ASAP2: variants seen among roughly 807,000 people sequenced by gnomAD.
ASAP2 encodes arf-GAP with SH3 domain, ANK repeat and PH domain-containing protein 2.
In ASAP2, 45 loss-of-function variants were observed where a neutral mutation model predicts 131.4. The observed-to-expected ratio is 0.34, with a 90% CI of 0.27 to 0.44. The LOEUF (loss-of-function observed/expected upper bound fraction) is 0.44. Ranked by LOEUF, ASAP2 falls within the 20% of genes least tolerant of loss-of-function variation. The pLI is 1.00. For missense variants in ASAP2, 1,011 were observed against 1,297.0 expected, an observed-to-expected ratio of 0.78 and a Z score of 3.39; for synonymous variants, 510 against 503.0, an observed-to-expected ratio of 1.01 and a Z score of -0.19.
chr2:9,266,568 C>G (rs1416492277), intron 1 of ASAP2, among the ~76,000 whole-genome samples: 1 of 152,080 alleles, frequency 6.6e-6, no homozygotes, highest in African/African-American at 2.4e-5. Context: ...GCCTGCAGGT[C>G]TGGGTGCACC....
intron 1 of ASAP2, among the ~76,000 whole-genome samples, chr2:9,264,957 A>G (rs1254793183): frequency 6.6e-6 from 1 of 152,052 alleles, no homozygotes; most frequent in African/African-American, 2.4e-5. Context: ...TGGGCAACAT[A>G]GGGAGACGTC....
intron 9 of ASAP2, among the ~76,000 whole-genome samples, chr2:9,341,634 T>G (rs957016246): frequency 6.6e-6 from 1 of 152,210 alleles, no homozygotes; most frequent in Admixed American, 6.5e-5. Context: ...GACGTATTTC[T>G]TGGTTGTGCA....
intron 9 of ASAP2, among the ~76,000 whole-genome samples, chr2:9,336,895 C>T (rs769628628): frequency 1.3e-5 from 2 of 152,202 alleles, no homozygotes; most frequent in Non-Finnish European, 2.9e-5. Context: ...AGATCCAACC[C>T]ATGAAGCAAA....
At position 9,368,519 on chromosome 2, in the gene ASAP2, T is replaced by C; in HGVS notation, c.1556T>C (p.Met519Thr). The C allele has an allele frequency of 6.2e-7, 1 of 1,613,338 alleles. No homozygotes were observed. Among genetic ancestry groups the C allele is most frequent in the East Asian group, 2.2e-5 (1 of 44,868 alleles). Residue 519 changes from methionine (M) to threonine (T), a missense_variant and splice_region_variant, in exon 16 of 28, where the codon ATG (methionine) becomes ACG (threonine). Transcript: ENST00000281419. ...GTCAAACCCAACCCAGGCAGCGACA[T>C]GTAAGTATGGGACTGGCTATTCTCA... ...DSVKPNPGSD[M>T]NARKDYITAK...
chr2:9,319,011 A>G (rs1345099558), intron 4 of ASAP2, among the ~76,000 whole-genome samples: 1 of 152,252 alleles, frequency 6.6e-6, no homozygotes, highest in Non-Finnish European at 1.5e-5. Context: ...GTCGTCAGGC[A>G]TGAGCCAACT....
intron 15 of ASAP2, among the ~76,000 whole-genome samples, chr2:9,364,144 T>G (rs1673281082): frequency 6.6e-6 from 1 of 152,206 alleles, no homozygotes. Context: ...CATGATCAAT[T>G]TCACTATCAT....
chr2:9,385,624 C>CG (rs920008012), intron 21 of ASAP2, among the ~76,000 whole-genome samples: 10 of 152,098 alleles, frequency 6.6e-5, no homozygotes, highest in African/African-American at 1.2e-4. Flanking sequence ...GTGTGTGTGG[C>CG]GGGGGGGTTG....
chr2:9,343,947 AC>A (rs534314001), intron 9 of ASAP2, among the ~76,000 whole-genome samples: 1 of 152,144 alleles, frequency 6.6e-6, no homozygotes, highest in Admixed American at 6.5e-5. Context: ...TCAGGGTCAG[AC>A]CCCCCTTACT....
chr2:9,336,744 A>G (rs1422079644), intron 9 of ASAP2, among the ~76,000 whole-genome samples: 1 of 152,206 alleles, frequency 6.6e-6, no homozygotes, highest in Non-Finnish European at 1.5e-5. Context: ...AAGGAAAAAA[A>G]ACTTGGCGTA....
intron 2 of ASAP2, among the ~76,000 whole-genome samples, chr2:9,288,507 G>T (rs1272014655): frequency 6.6e-6 from 1 of 152,120 alleles, no homozygotes; most frequent in Non-Finnish European, 1.5e-5. Context: ...AGTCATCACT[G>T]TGGTGAGCGT....
intron 11 of ASAP2, among the ~76,000 whole-genome samples, chr2:9,347,669 CCTT>C (rs967114566): frequency 6.6e-6 from 1 of 152,174 alleles, no homozygotes; most frequent in Non-Finnish European, 1.5e-5. Context: ...AGTTGAATTT[CCTT>C]CTTAGCCAAG....
intron 3 of ASAP2, among the ~76,000 whole-genome samples, chr2:9,317,063 A>G (rs1426048915): frequency 6.7e-6 from 1 of 149,282 alleles, no homozygotes; most frequent in Non-Finnish European, 1.5e-5. Context: ...CACTCCACAC[A>G]ACCACACAAA....
chr2:9,212,717 G>A (rs984746817), intron 1 of ASAP2, among the ~76,000 whole-genome samples: 9 of 152,062 alleles, frequency 5.9e-5, no homozygotes, highest in Non-Finnish European at 5.9e-5. Context: ...GCTCTCAGCC[G>A]CCACATTGCA....
At position 9,401,227 on chromosome 2, in the gene ASAP2, G is replaced by A. The variant is rs775400024; in HGVS notation, c.2824-47G>A. 4.1e-5 allele frequency: 66 copies of A among 1,608,386 alleles called. 2 individuals are homozygous for A. Among genetic ancestry groups the A allele is most frequent in the South Asian group, 1.4e-4 (13 of 90,368 alleles). On this transcript the variant is annotated intron_variant, in intron 26 of 27. Transcript: ENST00000281419. ...GGTGCTTGAGCTCTCTGCCCTGAGA[G>A]CTGAGGCCTGCAGCCACACTAACCG... is the stretch of plus-strand genomic sequence containing the variant.
intron 3 of ASAP2, among the ~76,000 whole-genome samples, chr2:9,306,064 G>C (rs956542148): frequency 2.8e-5 from 4 of 144,890 alleles, no homozygotes; most frequent in African/African-American, 1.0e-4. Context: ...ATATGAGGTA[G>C]AGAGGCTGTA....
At position 9,372,196 on chromosome 2, in the gene ASAP2, C is replaced by CT. The variant is rs1382570973; in HGVS notation, c.1557-2558dup. 2.6e-5 allele frequency among the ~76,000 whole-genome samples: 4 copies of CT among 152,296 alleles called. No homozygotes were observed. In the East Asian group the frequency reaches 5.8e-4, roughly 22 times the overall value. ...GCATGAAACTGGACAACTGTCCAGTCTAACTGCCTGTCAGAAGAGGCATTT... is the reference window on the plus strand; with the variant it reads ...GCATGAAACTGGACAACTGTCCAGTCTTAACTGCCTGTCAGAAGAGGCATTT... On this transcript the variant is annotated intron_variant, in intron 16 of 27. Transcript: ENST00000281419.
At chr2:9,340,310 C>T (rs550491091) in intron 9 of ASAP2, among the ~76,000 whole-genome samples, 2 of 152,260 alleles carry the variant, frequency 1.3e-5, no homozygotes, top group East Asian at 1.9e-4. Context: ...CATGAGCCAC[C>T]GCGCCCGGCC....
intron 3 of ASAP2, among the ~76,000 whole-genome samples, chr2:9,316,947 TCA>T (rs1447197260): frequency 1.7e-5 from 1 of 58,894 alleles, no homozygotes; most frequent in African/African-American, 7.2e-5. Context: ...ACCCTCACTC[TCA>T]CACCCTCCCA....
chr2:9,210,327 G>A (rs188281188), intron 1 of ASAP2, among the ~76,000 whole-genome samples: 1 of 152,204 alleles, frequency 6.6e-6, no homozygotes, highest in Non-Finnish European at 1.5e-5. Flanking sequence ...TTAAAGTCTG[G>A]TTAATAATAC....
Sources: gnomAD v4.1 joint callset for allele counts (sites outside exome capture counted in the v4.1 genomes callset) on GRCh38, gnomAD v4.1.1 for gene constraint, MANE v1.5 for transcripts, NCBI Gene and HGNC (gene_info 2026-07-23, HGNC 2026-07-21) for gene names.